The following EYA3 variants were observed in gnomAD, a reference collection of about 807,000 sequenced individuals.
EYA3 encodes the protein EYA transcriptional coactivator and phosphatase 3.
EYA3 carries 39 observed loss-of-function variants against 80.0 expected under a neutral mutation model. The ratio of observed to expected loss-of-function variants is 0.49; its 90% CI spans 0.38 to 0.64. The LOEUF is 0.64. EYA3 is among the 30% of genes least tolerant of loss of function. The pLI is 0.00. For synonymous variants in EYA3, 206 were observed against 232.8 expected (o/e 0.88, Z 1.05); for missense variants, 523 against 676.1 (o/e 0.77, Z 2.51).
Position 28,013,005 on chromosome 1 carries a change from T to A in EYA3, c.769+106A>T. ...CACCTCAGAGGGAAAGCCAAAAGCA[T>A]GGTAACAATGACTTAAGACAGAACA... On this transcript the variant is annotated intron_variant, in intron 9 of 17. Coordinates refer to ENST00000373871, the MANE Select transcript of EYA3 (RefSeq NM_001990.4). The surrounding 1 kb of genome is among the most constrained non-coding windows in gnomAD (Gnocchi z 4.0). 1.6e-6 allele frequency: 2 copies of A among 1,241,764 alleles called. No homozygotes were observed. The highest frequency in any genetic ancestry group is 1.5e-5 in the African/African-American group (1 of 66,470). 76.9% of individuals were successfully genotyped at this position (1,241,764 alleles called of 1,614,324 possible). A position where few individuals can be genotyped will look rare whatever the true frequency, so the allele number is the denominator to read the frequency against.
intron 1 of EYA3, among the ~76,000 whole-genome samples, chr1:28,074,456 T>C (rs1182046889): frequency 6.6e-6 from 1 of 152,026 alleles, no homozygotes; most frequent in Non-Finnish European, 1.5e-5. Flanking sequence ...TATAATATAG[T>C]TCACAAAACC....
chr1:28,002,082 A>C (rs904844618), intron 11 of EYA3, among the ~76,000 whole-genome samples: 1 of 150,444 alleles, frequency 6.6e-6, no homozygotes, highest in Non-Finnish European at 1.5e-5. Context: ...CGCCCAGCTA[A>C]TTTTGTATTT....
intron 2 of EYA3, among the ~76,000 whole-genome samples, chr1:28,049,639 G>C (rs535791370): frequency 1.3e-5 from 2 of 152,148 alleles, no homozygotes; most frequent in African/African-American, 4.8e-5. Context: ...TGCAGACTGT[G>C]ACAAAAAAAT....
chr1:28,066,132 T>C (rs919321352), intron 1 of EYA3, among the ~76,000 whole-genome samples: 7 of 151,910 alleles, frequency 4.6e-5, no homozygotes, highest in Non-Finnish European at 1.0e-4. Flanking sequence ...CATGAATATG[T>C]TGGATAAAGG....
At chr1:28,000,890 A>G (rs1249733987) in intron 11 of EYA3, among the ~76,000 whole-genome samples, 1 of 152,124 alleles carries the variant, frequency 6.6e-6, no homozygotes, top group East Asian at 1.9e-4. Flanking sequence ...TGGTGAAACC[A>G]TGTCTCTACA....
chr1:27,990,306 C>T (rs1288255752), intron 14 of EYA3: 1 of 165,756 alleles, frequency 6.0e-6, no homozygotes, highest in African/African-American at 2.4e-5. Flanking sequence ...ATGCAGTACA[C>T]TAATGCTATG....
chr1:28,073,591 C>T (rs1557646902), intron 1 of EYA3, among the ~76,000 whole-genome samples: 4 of 151,958 alleles, frequency 2.6e-5, no homozygotes. Flanking sequence ...TGAGCCATTG[C>T]ACCCAGCCTA....
At chr1:28,023,670 A>G (rs1214586580) in intron 7 of EYA3, among the ~76,000 whole-genome samples, 1 of 152,198 alleles carries the variant, frequency 6.6e-6, no homozygotes, top group Non-Finnish European at 1.5e-5. Flanking sequence ...GAAACTACAA[A>G]GTCTAGAAGA....
In EYA3 at chr1:27,972,655, G is replaced by C. The variant is rs550587251; in HGVS notation, c.*1811C>G. ...GACCAATCCTGCATCTCAATCTGAG[G>C]TGCTTGTATCATCTCTCTCTGTGTA... On this transcript the variant is annotated 3_prime_UTR_variant, in exon 18 of 18. Transcript: ENST00000373871. The C allele has an allele frequency of 1.3e-5, 2 of 152,376 alleles. No individual in the cohort carries two copies. Among genetic ancestry groups the C allele is most frequent in the South Asian group, 4.1e-4 (2 of 4,828 alleles). 9.4% of individuals were successfully genotyped at this position (152,376 alleles called of 1,614,324 possible).
At chr1:28,042,232 CT>C (rs1167122280) in intron 4 of EYA3, among the ~76,000 whole-genome samples, 2 of 152,260 alleles carry the variant, frequency 1.3e-5, no homozygotes, top group East Asian at 1.9e-4. Context: ...AAAGTTACAC[CT>C]TTTTAAAAAA....
intron 3 of EYA3, among the ~76,000 whole-genome samples, chr1:28,042,955 C>T (rs1028963684): frequency 1.3e-5 from 2 of 152,104 alleles, no homozygotes; most frequent in Non-Finnish European, 2.9e-5. Flanking sequence ...AGCAATTCTC[C>T]TGCCTCAGCC....
intron 1 of EYA3, among the ~76,000 whole-genome samples, chr1:28,087,698 C>A (rs1197050422): frequency 6.6e-6 from 1 of 152,232 alleles, no homozygotes; most frequent in African/African-American, 2.4e-5. Context: ...CAGCTGTGCA[C>A]ATCCATTCTC....
chr1:27,977,445 C>A, intron 17 of EYA3: 1 of 1,487,568 alleles, frequency 6.7e-7, no homozygotes. Flanking sequence ...ATCCATTTAG[C>A]AGATGAGGAT....
At chr1:27,983,167 C>T (rs560501233) in intron 16 of EYA3, among the ~76,000 whole-genome samples, 32 of 152,336 alleles carry the variant, frequency 2.1e-4, no homozygotes, top group South Asian at 1.4e-3. Flanking sequence ...AACTATTCAG[C>T]TCTGCTACTG....
At chr1:28,057,167 C>CT (rs1644465280) in intron 2 of EYA3, among the ~76,000 whole-genome samples, 1 of 152,048 alleles carries the variant, frequency 6.6e-6, no homozygotes, top group African/African-American at 2.4e-5. Context: ...TATTAAAGGA[C>CT]TTTATCATTT....
rs1230603011 is a variant in EYA3, at chr1:28,027,929, G to A, written c.362-3C>T. ...TTTCATACCTGGCCACAATGCACCT[G>A]AATCAGATAAATTGGACCAATTACA... is the stretch of plus-strand genomic sequence containing the variant. On this transcript the variant is annotated splice_polypyrimidine_tract_variant and splice_region_variant and intron_variant, in intron 6 of 17. Coordinates refer to ENST00000373871, the MANE Select transcript of EYA3 (RefSeq NM_001990.4). The A allele has an allele frequency of 1.2e-6, 2 of 1,614,030 alleles. No homozygotes were observed. Among genetic ancestry groups the A allele is most frequent in the Admixed American group, 3.3e-5 (2 of 60,014 alleles).
chr1:28,046,844 CT>C (rs35846889), intron 3 of EYA3, among the ~76,000 whole-genome samples: 17 of 144,914 alleles, frequency 1.2e-4, no homozygotes, highest in Non-Finnish European at 1.2e-4. Context: ...ATTTTTCTTT[CT>C]TTTTTTTTTT....
chr1:28,010,903 T>C, intron 10 of EYA3, 44 bp downstream of exon 10: 4 of 1,586,290 alleles, frequency 2.5e-6, no homozygotes, highest in Non-Finnish European at 3.4e-6. Context: ...ACTTAAGAAG[T>C]GAGAAAGAAC....
At chr1:27,999,873 A>T (rs978220352) in intron 12 of EYA3, 87 bp downstream of exon 12, 28 of 986,812 alleles carry the variant, frequency 2.8e-5, no homozygotes, top group Admixed American at 9.4e-5. Context: ...ATCTAAACAC[A>T]TATCTTCTAA....
Sources: gnomAD v4.1 joint callset for allele counts (sites outside exome capture counted in the v4.1 genomes callset) on GRCh38, gnomAD v4.1.1 for gene constraint, Gnocchi (gnomAD v3.1) non-coding constraint, MANE v1.5 for transcripts, NCBI Gene and HGNC (gene_info 2026-07-23, HGNC 2026-07-21) for gene names.